The following NR6A1 variants were observed in gnomAD, a reference collection of about 807,000 sequenced individuals.
NR6A1 encodes the protein nuclear receptor subfamily 6 group A member 1.
Under a neutral mutation model 59.1 loss-of-function variants are expected in NR6A1, and 7 were observed. The observed-to-expected ratio is 0.12, with a 90% CI of 0.07 to 0.22. The LOEUF (loss-of-function observed/expected upper bound fraction) is 0.22, where lower values mean the gene tolerates loss of function less well. NR6A1 is among the 10% of genes least tolerant of loss of function. NR6A1 has a pLI of 1.00. For missense variants in NR6A1, 468 were observed against 611.6 expected, an observed-to-expected ratio of 0.77 and a Z score of 2.48; for synonymous variants, 243 against 236.1, an observed-to-expected ratio of 1.03 and a Z score of -0.27.
At chr9:124,539,226 C>T (rs1043869877) in intron 5 of NR6A1, among the ~76,000 whole-genome samples, 1 of 151,996 alleles carries the variant, frequency 6.6e-6, no homozygotes, top group Non-Finnish European at 1.5e-5. Flanking sequence ...AAAAAAAAAT[C>T]TTCCAGCTTT....
chr9:124,599,214 G>C (rs899198643), intron 2 of NR6A1: 1 of 474,402 alleles, frequency 2.1e-6, no homozygotes, highest in Admixed American at 3.0e-5. Context: ...AGACTGAGGC[G>C]GGTGGATAAC....
rs1485720324 is a variant in NR6A1, at chr9:124,738,569, CT to C, written c.101-5221del. On this transcript the variant is annotated intron_variant, in intron 1 of 9. Transcript: ENST00000487099. ...GTTTAACTAGGAAGATAAATGCGTA[CT>C]GAAAAAAGGACACGGGGGCCGGGCA... Among the ~76,000 whole-genome samples, 13 of 152,154 alleles carry C rather than the reference CT, an allele frequency of 8.5e-5. No homozygotes were observed. The South Asian group carries it at 2.3e-3, about 27-fold the overall frequency.
chr9:124,528,061 C>T (rs766247246), intron 7 of NR6A1, among the ~76,000 whole-genome samples: 15 of 152,206 alleles, frequency 9.9e-5, no homozygotes, highest in African/African-American at 1.7e-4. Flanking sequence ...TTCAGATCTG[C>T]GCACTACAGG....
At chr9:124,650,155 C>T (rs1470642714) in intron 2 of NR6A1, among the ~76,000 whole-genome samples, 1 of 152,184 alleles carries the variant, frequency 6.6e-6, no homozygotes, top group East Asian at 1.9e-4. Context: ...TATTGCACCA[C>T]TATTCACAAC....
chr9:124,698,558 A>G (rs1838838015), intron 2 of NR6A1: 1 of 152,226 alleles, frequency 6.6e-6, no homozygotes, highest in African/African-American at 2.4e-5. Context: ...ACAAGATCCA[A>G]CTGGACTTTG....
At chr9:124,604,140 A>G (rs1835517475) in intron 2 of NR6A1, among the ~76,000 whole-genome samples, 1 of 152,180 alleles carries the variant, frequency 6.6e-6, no homozygotes. Context: ...TCCCAATCTG[A>G]GTCAACTACA....
chr9:124,676,995 G>C (rs1837984387), intron 2 of NR6A1, among the ~76,000 whole-genome samples: 1 of 152,062 alleles, frequency 6.6e-6, no homozygotes, highest in Non-Finnish European at 1.5e-5. Context: ...AACTGCGTTT[G>C]TCCCTTTCAA....
chr9:124,715,823 A>C (rs1839404175), intron 2 of NR6A1, among the ~76,000 whole-genome samples: 1 of 152,230 alleles, frequency 6.6e-6, no homozygotes, highest in Non-Finnish European at 1.5e-5. Context: ...ATAGTAATCA[A>C]GACACTATGG....
At chr9:124,700,863 C>T (rs565174648) in intron 2 of NR6A1, among the ~76,000 whole-genome samples, 4 of 149,950 alleles carry the variant, frequency 2.7e-5, no homozygotes, top group Admixed American at 6.7e-5. Context: ...CAGGCTCAAG[C>T]GATTCTCCTG....
At chr9:124,700,754 CTTTTTTTTTT>C (rs35704226) in intron 2 of NR6A1, among the ~76,000 whole-genome samples, 2 of 91,276 alleles carry the variant, frequency 2.2e-5, no homozygotes, top group African/African-American at 1.1e-4. Context: ...TTTACATAGC[CTTTTTTTTTT>C]TTTTTTTTTT....
intron 2 of NR6A1, among the ~76,000 whole-genome samples, chr9:124,677,943 C>G (rs1045382925): frequency 1.3e-5 from 2 of 152,046 alleles, no homozygotes; most frequent in African/African-American, 4.8e-5. Flanking sequence ...TTTAAAGGGA[C>G]AGAAGACTCA....
chr9:124,707,442 T>G (rs1298481400), intron 2 of NR6A1, among the ~76,000 whole-genome samples: 1 of 152,146 alleles, frequency 6.6e-6, no homozygotes, highest in Non-Finnish European at 1.5e-5. Context: ...CTCTGGAATA[T>G]CTGTAATAGT....
intron 2 of NR6A1, among the ~76,000 whole-genome samples, chr9:124,671,079 AAGT>A (rs1308786597): frequency 6.6e-6 from 1 of 152,208 alleles, no homozygotes; most frequent in Admixed American, 6.5e-5. Flanking sequence ...CATAGAAACA[AAGT>A]AGAATGGTGA....
intron 3 of NR6A1, among the ~76,000 whole-genome samples, chr9:124,550,375 A>ATTTTTTTTTT (rs58594452): frequency 1.5e-4 from 18 of 117,616 alleles, no homozygotes; most frequent in South Asian, 2.8e-4. Flanking sequence ...CTAATGGTGA[A>ATTTTTTTTTT]TTTTTTTTTT....
chr9:124,771,059 G>C lies in NR6A1; in HGVS notation c.61C>G (p.Leu21Val). The C allele has an allele frequency of 1.3e-5, 16 of 1,230,630 alleles. No homozygotes were observed. Among genetic ancestry groups the C allele is most frequent in the Non-Finnish European group, 1.4e-5 (14 of 987,224 alleles). 76.2% of individuals were successfully genotyped at this position (1,230,630 alleles called of 1,614,324 possible). ...GGAGGGAGCGCGGCGGGAGGCTCCA[G>C]GAACCCCGCCGAGCCCCCGCCGCCT... ...GGGGGGSAGFLEPPAALPPPP... is the reference protein window; with the variant it reads ...GGGGGGSAGFVEPPAALPPPP... The change falls in exon 1 of 10, where the codon CTG (leucine) becomes GTG (valine). Residue 21 changes from leucine (L) to valine (V), a missense_variant. By Grantham distance (32) the Leu-to-Val change is conservative. Transcript: ENST00000487099.
chr9:124,762,145 T>C (rs2131198392), intron 1 of NR6A1, among the ~76,000 whole-genome samples: 2 of 152,334 alleles, frequency 1.3e-5, no homozygotes, highest in South Asian at 4.1e-4. Flanking sequence ...TATTTATGCC[T>C]GAGTGTTCTT....
chr9:124,651,398 T>G (rs1459418703), intron 2 of NR6A1, among the ~76,000 whole-genome samples: 1 of 152,188 alleles, frequency 6.6e-6, no homozygotes, highest in Non-Finnish European at 1.5e-5. Context: ...CAGCCAAAAA[T>G]TGAATTTGAT....
chr9:124,666,275 CTT>C (rs922378385), intron 2 of NR6A1, among the ~76,000 whole-genome samples: 37 of 103,042 alleles, frequency 3.6e-4, no homozygotes, highest in Middle Eastern at 4.8e-3. Flanking sequence ...CTATGTGGTT[CTT>C]TTTTTTTTTT....
chr9:124,726,952 C>T (rs1042715134), intron 2 of NR6A1, among the ~76,000 whole-genome samples: 2 of 152,200 alleles, frequency 1.3e-5, no homozygotes, highest in Non-Finnish European at 2.9e-5. Flanking sequence ...TCAAATCTGG[C>T]AGGTGTCTAC....
Sources: gnomAD v4.1 joint callset for allele counts (sites outside exome capture counted in the v4.1 genomes callset) on GRCh38, gnomAD v4.1.1 for gene constraint, MANE v1.5 for transcripts, NCBI Gene and HGNC (gene_info 2026-07-23, HGNC 2026-07-21) for gene names.